The following TMEM132B variants were observed in gnomAD, a reference collection of about 807,000 sequenced individuals.
TMEM132B encodes the protein transmembrane protein 132B.
In TMEM132B, 18 loss-of-function variants were observed where a neutral mutation model predicts 90.8. The observed-to-expected ratio is 0.20, with a 90% CI of 0.14 to 0.29. The LOEUF is 0.29. Ranked by LOEUF, TMEM132B falls within the 10% of genes least tolerant of loss-of-function variation. TMEM132B has a pLI of 1.00. For synonymous variants in TMEM132B, 504 were observed against 523.3 expected (o/e 0.96, Z 0.50); for missense variants, 1,096 against 1,326.8 (o/e 0.83, Z 2.70).
At chr12:125,263,312 A>G (rs911767231) in intron 1 of TMEM132B, among the ~76,000 whole-genome samples, 2 of 152,210 alleles carry the variant, frequency 1.3e-5, no homozygotes, top group African/African-American at 4.8e-5. Context: ...GCCTCAAAGC[A>G]TCATACTGGA....
intron 3 of TMEM132B, among the ~76,000 whole-genome samples, chr12:125,515,454 C>T (rs1883109943): frequency 6.7e-6 from 1 of 148,856 alleles, no homozygotes; most frequent in Non-Finnish European, 1.5e-5. Flanking sequence ...TTCACACATT[C>T]CCTCACAGAA....
chr12:125,510,329 T>C (rs1263835227), intron 3 of TMEM132B, among the ~76,000 whole-genome samples: 1 of 152,192 alleles, frequency 6.6e-6, no homozygotes. Context: ...GGACCACTCA[T>C]GCCAGTCTGC....
At chr12:125,632,927 CT>C (rs375627239) in intron 5 of TMEM132B, among the ~76,000 whole-genome samples, 172 of 151,786 alleles carry the variant, frequency 1.1e-3, no homozygotes, top group African/African-American at 3.8e-3. Flanking sequence ...TGGATAGTGA[CT>C]TTTTTTTGTA....
In TMEM132B at chr12:125,566,536, G is replaced by C. The variant is rs4765261; in HGVS notation, c.1294-17315G>C. Among the ~76,000 whole-genome samples, 13 of 152,144 alleles carry C rather than the reference G, an allele frequency of 8.5e-5. 1 individual carries two copies. The highest frequency in any genetic ancestry group is 1.9e-4 in the East Asian group (1 of 5,164). ...TACCAAGTCTCACCAGGAAGCCTCA[G>C]TGGACGTGGCGGGGTTGAGAGTTCC... On this transcript the variant is annotated intron_variant, in intron 4 of 8. Transcript: ENST00000682704.
chr12:125,583,283 A>C (rs1885096302), intron 4 of TMEM132B, among the ~76,000 whole-genome samples: 1 of 152,182 alleles, frequency 6.6e-6, no homozygotes, highest in Non-Finnish European at 1.5e-5. Flanking sequence ...GCATTTAAAA[A>C]TACCTGGGTT....
At chr12:125,436,695 A>G (rs1880714766) in intron 3 of TMEM132B, among the ~76,000 whole-genome samples, 1 of 152,222 alleles carries the variant, frequency 6.6e-6, no homozygotes, top group African/African-American at 2.4e-5. Context: ...TCCAGGCTCC[A>G]GAACTTCAAG....
chr12:125,240,754 TAA>T, intron 1 of TMEM132B, among the ~76,000 whole-genome samples: 1 of 152,156 alleles, frequency 6.6e-6, no homozygotes, highest in East Asian at 1.9e-4. Flanking sequence ...CTGTGCCCCC[TAA>T]GTTTTGTGTT....
intron 1 of TMEM132B, among the ~76,000 whole-genome samples, chr12:125,248,452 A>G (rs1447375322): frequency 3.9e-5 from 6 of 152,214 alleles, no homozygotes; most frequent in Non-Finnish European, 4.4e-5. Flanking sequence ...GGGGGCATCA[A>G]TGATTGCATT....
At chr12:125,469,537 C>T (rs542105960) in intron 3 of TMEM132B, among the ~76,000 whole-genome samples, 1 of 152,078 alleles carries the variant, frequency 6.6e-6, no homozygotes, top group African/African-American at 2.4e-5. Flanking sequence ...GTGCCTGGGT[C>T]TTTGATGATG....
chr12:125,477,075 A>G (rs1162132058), intron 3 of TMEM132B, among the ~76,000 whole-genome samples: 1 of 152,126 alleles, frequency 6.6e-6, no homozygotes, highest in African/African-American at 2.4e-5. Flanking sequence ...GCTCAGGAAA[A>G]CATTACTGCA....
chr12:125,420,678 C>T (rs1286758116), intron 3 of TMEM132B, among the ~76,000 whole-genome samples: 1 of 152,238 alleles, frequency 6.6e-6, no homozygotes, highest in Non-Finnish European at 1.5e-5. Flanking sequence ...CAAGTTTCTG[C>T]AGCCAGCTTG....
At position 125,517,326 on chromosome 12, in the gene TMEM132B, GA is replaced by G. The variant is rs1249888851; in HGVS notation, c.1107-2112del. On this transcript the variant is annotated intron_variant, in intron 3 of 8. Transcript: ENST00000682704. Reference sequence around the variant, plus strand: ...CAGGCGCCCGCCACCATGCCCTGCTGATTTTTTTTTTTTTTTTTTTTTTTTT... The same window carrying G: ...CAGGCGCCCGCCACCATGCCCTGCTGTTTTTTTTTTTTTTTTTTTTTTTTT... Among the ~76,000 whole-genome samples, 11 of 88,022 alleles carry G rather than the reference GA, an allele frequency of 1.2e-4. 1 individual carries two copies. Among genetic ancestry groups the G allele is most frequent in the African/African-American group, 3.5e-4 (9 of 25,998 alleles). The allele number at this position is 88,022 out of a possible 152,430, so 57.7% of individuals were successfully genotyped here.
At chr12:125,645,691 A>G (rs1249690036) in intron 6 of TMEM132B, among the ~76,000 whole-genome samples, 1 of 152,154 alleles carries the variant, frequency 6.6e-6, no homozygotes, top group African/African-American at 2.4e-5. Context: ...TTAATATTGA[A>G]CTTGTGAATC....
At chr12:125,342,536 A>G (rs1181515214) in intron 1 of TMEM132B, among the ~76,000 whole-genome samples, 1 of 152,198 alleles carries the variant, frequency 6.6e-6, no homozygotes, top group African/African-American at 2.4e-5. Flanking sequence ...GGTCCTGCCT[A>G]TAAGGGAAGA....
At chr12:125,639,457 A>C (rs17438213) in intron 5 of TMEM132B, among the ~76,000 whole-genome samples, 3,109 of 152,376 alleles carry the variant, frequency 0.02, 44 homozygotes, top group Middle Eastern at 0.054. Context: ...TCACACACTC[A>C]GCATCTATTT....
chr12:125,354,688 T>C (rs1027017432), intron 2 of TMEM132B, among the ~76,000 whole-genome samples: 6 of 152,178 alleles, frequency 3.9e-5, no homozygotes, highest in Admixed American at 2.0e-4. Flanking sequence ...TCACAGGGAG[T>C]GAAACCACCC....
chr12:125,603,904 T>A (rs918294405), intron 5 of TMEM132B, among the ~76,000 whole-genome samples: 1 of 152,184 alleles, frequency 6.6e-6, no homozygotes, highest in African/African-American at 2.4e-5. Flanking sequence ...AGATACCATC[T>A]CATGCTAGTC....
intron 3 of TMEM132B, among the ~76,000 whole-genome samples, chr12:125,461,532 A>G (rs1029687128): frequency 6.6e-6 from 1 of 152,256 alleles, no homozygotes; most frequent in African/African-American, 2.4e-5. Flanking sequence ...GACCACACCA[A>G]CTTCTGTTGA....
At chr12:125,423,751 G>T (rs1880235288) in intron 3 of TMEM132B, among the ~76,000 whole-genome samples, 1 of 152,106 alleles carries the variant, frequency 6.6e-6, no homozygotes, top group Non-Finnish European at 1.5e-5. Context: ...TTAATATTTT[G>T]AGTATATTGG....
Sources: allele counts gnomAD v4.1 joint callset (sites outside exome capture counted in the v4.1 genomes callset), GRCh38; gene constraint gnomAD v4.1.1; transcripts MANE v1.5; gene names NCBI Gene and HGNC (gene_info 2026-07-23, HGNC 2026-07-21).